DIAPH2: variants seen among roughly 807,000 people sequenced by gnomAD.
DIAPH2 encodes protein diaphanous homolog 2.
A neutral mutation model predicts 92.7 loss-of-function variants in DIAPH2; 35 were observed. The observed-to-expected ratio is 0.38, with a 90% CI of 0.29 to 0.50. The LOEUF (loss-of-function observed/expected upper bound fraction) is 0.50, where lower values mean the gene tolerates loss of function less well. Among genes scored for constraint, DIAPH2 ranks in the 20% least tolerant of loss-of-function variants. DIAPH2 has a pLI of 0.94. For synonymous variants in DIAPH2, 301 were observed against 280.4 expected, an observed-to-expected ratio of 1.07 and a Z score of -0.73; for missense variants, 701 against 819.5, an observed-to-expected ratio of 0.86 and a Z score of 1.77.
chrX:96,903,583 T>C (rs1389923993), intron 5 of DIAPH2, among the ~76,000 whole-genome samples: 1 of 112,108 alleles, frequency 8.9e-6, no homozygotes, highest in Non-Finnish European at 1.9e-5. Context: ...CTGAAGAAGA[T>C]AGAAAATGTG....
At chrX:97,322,089 T>C (rs1022916175) in intron 23 of DIAPH2, among the ~76,000 whole-genome samples, 2 of 112,868 alleles carry the variant, frequency 1.8e-5, no homozygotes, top group African/African-American at 6.4e-5. Flanking sequence ...GTTGAAAATT[T>C]AATTTTAACT....
chrX:97,357,490 C>T (rs1221067769), intron 24 of DIAPH2, among the ~76,000 whole-genome samples: 1 of 106,141 alleles, frequency 9.4e-6, no homozygotes, highest in Non-Finnish European at 1.9e-5. Context: ...AGTTGCCTAC[C>T]AACTTGTTCA....
At position 97,542,934 on chromosome X, in the gene DIAPH2, A is replaced by G. The variant is rs2071151668; in HGVS notation, c.3242-56319A>G. On this transcript the variant is annotated intron_variant, in intron 26 of 26. Transcript: ENST00000324765. ...AAGTGCAAAGAACCAACAAGACAAG[A>G]GTAGAAAGAATGCGGGGCTCAATAA... Among the ~76,000 whole-genome samples the G allele has an allele frequency of 3.6e-5, 4 of 112,496 alleles. No individual in the cohort carries two copies. The South Asian group carries it at 1.5e-3, about 41-fold the overall frequency.
chrX:97,522,906 GA>G (rs1385349016), intron 26 of DIAPH2, among the ~76,000 whole-genome samples: 1 of 112,429 alleles, frequency 8.9e-6, no homozygotes, highest in Non-Finnish European at 1.9e-5. Flanking sequence ...AAGGGCACAA[GA>G]AAATGGAGCT....
At chrX:97,394,249 T>A (rs2069685383) in intron 25 of DIAPH2, among the ~76,000 whole-genome samples, 1 of 111,522 alleles carries the variant, frequency 9.0e-6, no homozygotes, top group Admixed American at 9.5e-5. Context: ...TGAGGCAATA[T>A]CGGTACTATC....
At chrX:97,237,745 C>A (rs1207002023) in intron 22 of DIAPH2, among the ~76,000 whole-genome samples, 1 of 110,435 alleles carries the variant, frequency 9.1e-6, no homozygotes, top group East Asian at 2.8e-4. Flanking sequence ...CCGCGCCTGG[C>A]TAATTTTTTG....
chrX:97,466,584 T>A (rs776151760), intron 26 of DIAPH2, among the ~76,000 whole-genome samples: 2 of 111,943 alleles, frequency 1.8e-5, no homozygotes, highest in South Asian at 7.5e-4. Context: ...ATTGAAATGC[T>A]TAGGACACAC....
chrX:97,023,308 G>A (rs1038158756), intron 17 of DIAPH2, among the ~76,000 whole-genome samples: 17 of 110,435 alleles, frequency 1.5e-4, no homozygotes, highest in Non-Finnish European at 2.6e-4. Flanking sequence ...TTCATGGTTT[G>A]GGTATCATTC....
chrX:97,498,200 T>C (rs1457792), intron 26 of DIAPH2, among the ~76,000 whole-genome samples: 42,799 of 110,653 alleles, frequency 0.39, 5,958 homozygotes, highest in East Asian at 0.56. Flanking sequence ...TTTTTCTGTC[T>C]ATCTAATTCT....
chrX:96,884,063 T>C, intron 5 of DIAPH2: 1 of 343,275 alleles, frequency 2.9e-6, no homozygotes, highest in Middle Eastern at 7.8e-4. Flanking sequence ...CAGGGAAGGA[T>C]TATGCGATCA....
intron 24 of DIAPH2, among the ~76,000 whole-genome samples, chrX:97,369,190 G>A (rs773572747): frequency 1.8e-5 from 2 of 111,598 alleles, no homozygotes; most frequent in Non-Finnish European, 3.8e-5. Flanking sequence ...TTACAGGCGT[G>A]AGCCACCGCG....
intron 22 of DIAPH2, among the ~76,000 whole-genome samples, chrX:97,185,055 G>A (rs11092142): frequency 0.38 from 39,572 of 103,512 alleles, 5,784 homozygotes; most frequent in East Asian, 0.57. Flanking sequence ...GAGGCAGGTG[G>A]ATCATTTGAG....
intron 17 of DIAPH2, among the ~76,000 whole-genome samples, chrX:97,067,338 A>G (rs1270647073): frequency 8.9e-6 from 1 of 112,278 alleles, no homozygotes; most frequent in Admixed American, 9.5e-5. Flanking sequence ...TGTAAACTAT[A>G]AAAATGGATA....
At chrX:97,008,383 G>T (rs1466450915) in intron 17 of DIAPH2, among the ~76,000 whole-genome samples, 1 of 110,836 alleles carries the variant, frequency 9.0e-6, no homozygotes, top group Non-Finnish European at 1.9e-5. Flanking sequence ...CCATCTGAAA[G>T]GTCACATACA....
intron 26 of DIAPH2, among the ~76,000 whole-genome samples, chrX:97,497,028 C>T (rs2147826585): frequency 9.1e-6 from 1 of 110,251 alleles, no homozygotes; most frequent in African/African-American, 3.3e-5. Context: ...GTATGTTGGA[C>T]AAGAAAACAC....
intron 10 of DIAPH2, among the ~76,000 whole-genome samples, chrX:96,936,877 T>C (rs1260355954): frequency 2.7e-5 from 3 of 112,283 alleles, no homozygotes; most frequent in African/African-American, 9.7e-5. Context: ...CATATGTGAA[T>C]GTTCTGACTG....
At chrX:96,872,599 C>T (rs1478884542) in intron 4 of DIAPH2, among the ~76,000 whole-genome samples, 1 of 106,866 alleles carries the variant, frequency 9.4e-6, no homozygotes, top group Non-Finnish European at 1.9e-5. Flanking sequence ...TAAAGCAATT[C>T]CCCTGCCTCA....
Position 96,939,389 on chromosome X carries a change from G to C in DIAPH2, c.1325+7G>C. On this transcript the variant is annotated splice_region_variant and intron_variant, in intron 12 of 26. Coordinates refer to ENST00000324765, the MANE Select transcript of DIAPH2 (RefSeq NM_006729.5). ...GAAATGATTATTATATCAGGTAAGA[G>C]GCAGTTCTGAGAGTACTATATTTAT... 1 of 836,338 alleles carries C rather than the reference G, an allele frequency of 1.2e-6. No individual in the cohort carries two copies. Among genetic ancestry groups the C allele is most frequent in the South Asian group, 2.2e-5 (1 of 45,897 alleles). 68.9% of individuals were successfully genotyped at this position (836,338 alleles called of 1,213,427 possible). A position where few individuals can be genotyped will look rare whatever the true frequency, so the allele number is the denominator to read the frequency against.
chrX:96,861,305 G>A (rs1480378689), intron 4 of DIAPH2, among the ~76,000 whole-genome samples: 2 of 111,510 alleles, frequency 1.8e-5, no homozygotes, highest in South Asian at 3.8e-4. Context: ...AGCAACATAC[G>A]TGTCCCTTTC....
Sources: gnomAD v4.1 joint callset for allele counts (sites outside exome capture counted in the v4.1 genomes callset) on GRCh38, gnomAD v4.1.1 for gene constraint, MANE v1.5 for transcripts, NCBI Gene and HGNC (gene_info 2026-07-23, HGNC 2026-07-21) for gene names.